SMARCB1: variants seen among roughly 807,000 people sequenced by gnomAD.
SMARCB1 encodes the protein SWI/SNF related BAF chromatin remodeling complex subunit B1, also known as SWI/SNF-related matrix-associated actin-dependent regulator of chromatin subfamily B member 1.
Under a neutral mutation model 49.0 loss-of-function variants are expected in SMARCB1, and 5 were observed. That is an observed-to-expected ratio of 0.10 (90% CI 0.05 to 0.21). SMARCB1 has a LOEUF of 0.21. SMARCB1 is among the 10% of genes least tolerant of loss of function. SMARCB1 has a pLI of 1.00. For synonymous variants in SMARCB1, 201 were observed against 200.1 expected (o/e 1.00, Z -0.04); for missense variants, 226 against 509.2 (o/e 0.44, Z 5.35).
At chr22:23,794,143 A>C (rs1404221482) in intron 3 of SMARCB1, among the ~76,000 whole-genome samples, 1 of 152,132 alleles carries the variant, frequency 6.6e-6, no homozygotes, top group Non-Finnish European at 1.5e-5. Flanking sequence ...GAGTCTCTCC[A>C]TGTTGGTCAG....
Position 23,836,503 on chromosome 22 carries a change from G to A in SMARCB1, c.*2323G>A. ...GCAGGACTTGCCCAAGGCCCTGGTGGGGCCAGGATGAGAACCCTGAGCCTG... is the reference window on the plus strand; with the variant it reads ...GCAGGACTTGCCCAAGGCCCTGGTGAGGCCAGGATGAGAACCCTGAGCCTG... On this transcript the variant is annotated 3_prime_UTR_variant, in exon 9 of 9. Transcript: ENST00000644036. 9.9e-7 allele frequency: 1 copy of A among 1,014,448 alleles called. No homozygotes were observed. The allele number at this position is 1,014,448 out of a possible 1,614,324, so 62.8% of individuals were successfully genotyped here.
chr22:23,837,457 TC>T lies in SMARCB1; in HGVS notation c.*3279del, dbSNP rs1341386423. On this transcript the variant is annotated 3_prime_UTR_variant, in exon 9 of 9. Coordinates refer to ENST00000644036, the MANE Select transcript of SMARCB1 (RefSeq NM_003073.5). ...TCAGGACCGTGCAAGCATCAGTAGA[TC>T]CGTCCTGACGATGCAAATTATGTGG... is the stretch of plus-strand genomic sequence containing the variant. 2.9e-5 allele frequency: 19 copies of T among 662,970 alleles called. No individual in the cohort carries two copies. Among genetic ancestry groups the T allele is most frequent in the African/African-American group, 2.5e-4 (14 of 54,938 alleles). 41.1% of individuals were successfully genotyped at this position (662,970 alleles called of 1,614,324 possible). A position where few individuals can be genotyped will look rare whatever the true frequency, so the allele number is the denominator to read the frequency against.
At chr22:23,788,170 G>A (rs1211775110) in intron 1 of SMARCB1, among the ~76,000 whole-genome samples, 1 of 152,080 alleles carries the variant, frequency 6.6e-6, no homozygotes, top group Non-Finnish European at 1.5e-5. Context: ...CACCACACCC[G>A]GCCATATATT....
chr22:23,820,702 T>TTGTTTCCCATAACC (rs146886398), intron 6 of SMARCB1, among the ~76,000 whole-genome samples: 18,784 of 152,106 alleles, frequency 0.12, 1,244 homozygotes, highest in South Asian at 0.28. Context: ...GAATACAAAT[T>TTGTTTCCCATAACC]TGTTTCAGTT....
chr22:23,803,059 A>C, intron 4 of SMARCB1: 1 of 606,744 alleles, frequency 1.6e-6, no homozygotes, highest in Admixed American at 2.7e-5. Context: ...AACACTGCCC[A>C]GGTCGATTCT....
chr22:23,830,333 G>A (rs1269353343), intron 7 of SMARCB1, among the ~76,000 whole-genome samples: 1 of 152,206 alleles, frequency 6.6e-6, no homozygotes, highest in East Asian at 1.9e-4. Context: ...CTTTTTGATC[G>A]TAGCCGTCTG....
chr22:23,820,376 A>G (rs982269673), intron 6 of SMARCB1, among the ~76,000 whole-genome samples: 4 of 152,234 alleles, frequency 2.6e-5, no homozygotes, highest in East Asian at 1.9e-4. Context: ...GGAGTTAGAG[A>G]CTACCTGACC....
At chr22:23,805,070 C>T (rs1347967110) in intron 5 of SMARCB1, among the ~76,000 whole-genome samples, 2 of 152,208 alleles carry the variant, frequency 1.3e-5, no homozygotes, top group East Asian at 1.9e-4. Context: ...CATCCCCAGG[C>T]GCTCAGCATG....
chr22:23,812,519 C>T (rs903952700), intron 5 of SMARCB1, among the ~76,000 whole-genome samples: 6 of 151,706 alleles, frequency 4.0e-5, no homozygotes, highest in Non-Finnish European at 7.4e-5. Context: ...AAAGACAGTA[C>T]CAAAAAAAGA....
chr22:23,803,156 T>A, intron 4 of SMARCB1, 139 bp from the exon 5 acceptor site: 1 of 1,125,586 alleles, frequency 8.9e-7, no homozygotes, highest in Non-Finnish European at 1.3e-6. Context: ...CCTCGTCTGC[T>A]GCCTCAGCTG....
intron 7 of SMARCB1, among the ~76,000 whole-genome samples, chr22:23,832,932 G>C (rs1441752909): frequency 1.3e-5 from 2 of 152,156 alleles, no homozygotes; most frequent in Admixed American, 6.5e-5. Flanking sequence ...CCAGGGCAGA[G>C]TGTGGTCCGG....
At chr22:23,814,137 T>C (rs923393920) in intron 5 of SMARCB1, among the ~76,000 whole-genome samples, 3 of 152,086 alleles carry the variant, frequency 2.0e-5, no homozygotes, top group Non-Finnish European at 4.4e-5. Context: ...GCCAGCAATT[T>C]TGAAAAACAG....
chr22:23,823,528 C>T (rs1277266043), intron 6 of SMARCB1: 1 of 152,412 alleles, frequency 6.6e-6, no homozygotes, highest in East Asian at 1.9e-4. Flanking sequence ...TCGGCTTCCT[C>T]CCTCTGCGTG....
chr22:23,799,780 G>T (rs530844526), intron 3 of SMARCB1, among the ~76,000 whole-genome samples: 1 of 147,234 alleles, frequency 6.8e-6, no homozygotes, highest in Admixed American at 6.9e-5. Context: ...TGCCTCCCGG[G>T]TTCACGCCAT....
intron 1 of SMARCB1, among the ~76,000 whole-genome samples, chr22:23,788,446 G>T (rs1928153342): frequency 6.6e-6 from 1 of 151,990 alleles, no homozygotes; most frequent in Non-Finnish European, 1.5e-5. Context: ...TTTGAAAAAA[G>T]ATCTCACTTT....
intron 4 of SMARCB1, chr22:23,802,904 A>G: frequency 2.8e-6 from 1 of 359,928 alleles, no homozygotes; most frequent in South Asian, 2.2e-5. Flanking sequence ...GTACGTCCTC[A>G]GCAGTTCCTC....
intron 5 of SMARCB1, among the ~76,000 whole-genome samples, chr22:23,810,778 G>A (rs1234203614): frequency 6.6e-6 from 1 of 151,754 alleles, no homozygotes; most frequent in African/African-American, 2.4e-5. Context: ...GCCTGTAATC[G>A]CGGCATTTTG....
At chr22:23,812,232 G>A (rs1040548349) in intron 5 of SMARCB1, among the ~76,000 whole-genome samples, 1 of 152,114 alleles carries the variant, frequency 6.6e-6, no homozygotes, top group Non-Finnish European at 1.5e-5. Context: ...GAGGTGGGAG[G>A]ATTACTTGAG....
At chr22:23,813,742 C>A (rs1930015599) in intron 5 of SMARCB1, among the ~76,000 whole-genome samples, 1 of 152,148 alleles carries the variant, frequency 6.6e-6, no homozygotes, top group East Asian at 1.9e-4. Flanking sequence ...GTGAAAATCC[C>A]AGCAAGATTT....
Sources: allele counts gnomAD v4.1 joint callset (sites outside exome capture counted in the v4.1 genomes callset), GRCh38; gene constraint gnomAD v4.1.1; transcripts MANE v1.5; gene names NCBI Gene and HGNC (gene_info 2026-07-23, HGNC 2026-07-21).